Variants in ATAD2B observed in about 807,000 individuals in gnomAD.
ATAD2B encodes the protein ATPase family AAA domain-containing protein 2B.
Under a neutral mutation model 167.6 loss-of-function variants are expected in ATAD2B, and 40 were observed. The ratio of observed to expected loss-of-function variants is 0.24; its 90% CI spans 0.19 to 0.31. The LOEUF (loss-of-function observed/expected upper bound fraction) is 0.31, where lower values mean the gene tolerates loss of function less well. ATAD2B is among the 10% of genes least tolerant of loss of function. The pLI is 1.00. For synonymous variants in ATAD2B, 579 were observed against 596.5 expected, an observed-to-expected ratio of 0.97 and a Z score of 0.43; for missense variants, 1,242 against 1,757.2, an observed-to-expected ratio of 0.71 and a Z score of 5.24.
the ATAD2B span, chr2:23,691,491 C>T: frequency 1.7e-6 from 1 of 604,356 alleles, no homozygotes; most frequent in Non-Finnish European, 2.9e-6. Flanking sequence ...TTGGGCGTCT[C>T]TGGTCAGACT....
chr2:23,856,495 ATAG>A, intron 13 of ATAD2B: 1 of 394,104 alleles, frequency 2.5e-6, no homozygotes, highest in Non-Finnish European at 5.1e-6. Flanking sequence ...TGAAAAATAA[ATAG>A]TAGTATACAC....
intron 13 of ATAD2B, 48 bp from the exon 14 acceptor site, chr2:23,834,126 G>T: frequency 4.3e-6 from 3 of 705,136 alleles, no homozygotes; most frequent in South Asian, 2.5e-5. Context: ...AAACACTGCT[G>T]CTTACAATAA....
At chr2:23,699,027 C>CTT in the ATAD2B span, among the ~76,000 whole-genome samples, 1 of 152,238 alleles carries the variant, frequency 6.6e-6, no homozygotes, top group Non-Finnish European at 1.5e-5. Flanking sequence ...CAAAAAGACA[C>CTT]TTACTCCATT....
At chr2:23,705,135 TGCAGACAACTGGA>T in the ATAD2B span, among the ~76,000 whole-genome samples, 3 of 152,356 alleles carry the variant, frequency 2.0e-5, no homozygotes, top group African/African-American at 7.2e-5. Flanking sequence ...CGTCCACTGA[TGCAGACAACTGGA>T]GCATTGCGCT....
the ATAD2B span, among the ~76,000 whole-genome samples, chr2:23,683,458 A>G: frequency 1.3e-5 from 2 of 152,220 alleles, no homozygotes; most frequent in Admixed American, 6.5e-5. Context: ...ACTTTTGCCA[A>G]TGAAAGAGAG....
At chr2:23,745,771 C>T (rs1483435669), downstream of ATAD2B, among the ~76,000 whole-genome samples, 1 of 152,188 alleles carries the variant, frequency 6.6e-6, no homozygotes, top group African/African-American at 2.4e-5. Flanking sequence ...TATTGTCATC[C>T]AAGCATTTAC....
chr2:23,762,174 T>C, intron 24 of ATAD2B, 35 bp downstream of exon 24: 1 of 1,606,372 alleles, frequency 6.2e-7, no homozygotes, highest in Non-Finnish European at 8.5e-7. Context: ...TCTCAGTTGT[T>C]CTCACTACTG....
downstream of ATAD2B, among the ~76,000 whole-genome samples, chr2:23,748,296 G>A (rs906130439): frequency 6.6e-6 from 1 of 152,074 alleles, no homozygotes; most frequent in African/African-American, 2.4e-5. Context: ...GTGCTATACT[G>A]TACAAAGTAT....
chr2:23,821,616 G>A (rs1466876950), intron 16 of ATAD2B, among the ~76,000 whole-genome samples: 2 of 152,130 alleles, frequency 1.3e-5, no homozygotes, highest in Admixed American at 6.5e-5. Flanking sequence ...TATTTTTAAT[G>A]TTAGTATAAT....
chr2:23,738,943 G>C, the ATAD2B span, among the ~76,000 whole-genome samples: 1 of 152,090 alleles, frequency 6.6e-6, no homozygotes, highest in African/African-American at 2.4e-5. Flanking sequence ...AAGATCAAAA[G>C]AGACAAAGAA....
In ATAD2B at chr2:23,812,631, G is replaced by A. The variant is rs149513414; in HGVS notation, c.2268-2129C>T. ...TAATCCCAGCACTTTGGGAGACTGA[G>A]GCTGGCGGATCACAAGGTCAGGAGA... is the stretch of plus-strand genomic sequence containing the variant. On this transcript the variant is annotated intron_variant, in intron 17 of 27. Coordinates refer to ENST00000238789, the MANE Select transcript of ATAD2B (RefSeq NM_017552.4). 9.3e-3 allele frequency among the ~76,000 whole-genome samples: 1,409 copies of A among 152,234 alleles called. 11 individuals are homozygous for A. Among genetic ancestry groups the A allele is most frequent in the Non-Finnish European group, 0.014 (960 of 68,010 alleles).
the ATAD2B span, among the ~76,000 whole-genome samples, chr2:23,678,699 G>T: frequency 6.6e-6 from 1 of 152,224 alleles, no homozygotes; most frequent in Admixed American, 6.5e-5. Flanking sequence ...ACAGTATGTG[G>T]TATCTACATA....
At chr2:23,696,714 G>A in the ATAD2B span, 2 of 520,670 alleles carry the variant, frequency 3.8e-6, no homozygotes, top group Non-Finnish European at 6.7e-6. This position sits in a 1 kb window ranked among gnomAD's most constrained non-coding sequence, Gnocchi z 5.5. Flanking sequence ...GATGACATCT[G>A]TGTCACCTTT....
chr2:23,923,358 G>A (rs1704232151), intron 1 of ATAD2B, among the ~76,000 whole-genome samples: 1 of 152,108 alleles, frequency 6.6e-6, no homozygotes, highest in Non-Finnish European at 1.5e-5. Context: ...GGGTCTTGTG[G>A]GGGGACAATC....
intron 4 of ATAD2B, among the ~76,000 whole-genome samples, chr2:23,887,450 G>A (rs2150284606): frequency 6.6e-6 from 1 of 152,172 alleles, no homozygotes; most frequent in African/African-American, 2.4e-5. Context: ...AGTTTTAATA[G>A]TAACTTAAGC....
intron 19 of ATAD2B, among the ~76,000 whole-genome samples, chr2:23,794,393 A>C (rs1682280003): frequency 6.6e-6 from 1 of 152,194 alleles, no homozygotes; most frequent in Non-Finnish European, 1.5e-5. Context: ...TTCTGTATTC[A>C]ATCTGTTACA....
intron 15 of ATAD2B, among the ~76,000 whole-genome samples, chr2:23,825,245 A>C (rs1165798759): frequency 6.7e-6 from 1 of 150,324 alleles, no homozygotes; most frequent in Non-Finnish European, 1.5e-5. Flanking sequence ...CACCTGGCCT[A>C]TTTATCTTTT....
chr2:23,794,989 G>A (rs1682379015), intron 19 of ATAD2B, among the ~76,000 whole-genome samples: 1 of 152,128 alleles, frequency 6.6e-6, no homozygotes, highest in Non-Finnish European at 1.5e-5. Context: ...AGATGAACTT[G>A]TCATTTTGTC....
rs979837281 is a variant in ATAD2B at position 23,795,785 on chromosome 2, G to T, written c.2640+2353C>A. On this transcript the variant is annotated intron_variant, in intron 19 of 27. Transcript: ENST00000238789. ...TCCCAGCTACTCGGGAGGCTGAGAC[G>T]GGAGAATCACTTGAACCTGGGAGAT... is the stretch of plus-strand genomic sequence containing the variant. Among the ~76,000 whole-genome samples, 3 of 151,628 alleles carry T rather than the reference G, an allele frequency of 2.0e-5. No homozygotes were observed. In the East Asian group the frequency reaches 5.8e-4, roughly 29 times the overall value.
Sources: gnomAD v4.1 joint callset for allele counts (sites outside exome capture counted in the v4.1 genomes callset) on GRCh38, gnomAD v4.1.1 for gene constraint, Gnocchi (gnomAD v3.1) non-coding constraint, MANE v1.5 for transcripts, NCBI Gene and HGNC (gene_info 2026-07-23, HGNC 2026-07-21) for gene names.